MAF: variants seen among roughly 807,000 people sequenced by gnomAD.
The protein encoded by MAF is MAF bZIP transcription factor.
MAF carries 10 observed loss-of-function variants against 22.0 expected under a neutral mutation model. The ratio of observed to expected loss-of-function variants is 0.45; its 90% CI spans 0.28 to 0.77. The LOEUF is 0.77. Among genes scored for constraint, MAF ranks in the 30% least tolerant of loss-of-function variants. MAF has a pLI of 0.12. For missense variants in MAF, 544 were observed against 548.4 expected, an observed-to-expected ratio of 0.99 and a Z score of 0.08; for synonymous variants, 337 against 255.8, an observed-to-expected ratio of 1.32 and a Z score of -3.03.
the MAF span, among the ~76,000 whole-genome samples, chr16:79,252,948 T>C: frequency 6.6e-6 from 1 of 152,214 alleles, no homozygotes; most frequent in Non-Finnish European, 1.5e-5. Context: ...TCTCCATTTT[T>C]CTGTGAACGT....
the MAF span, among the ~76,000 whole-genome samples, chr16:79,397,806 C>T: frequency 6.6e-6 from 1 of 152,188 alleles, no homozygotes; most frequent in Non-Finnish European, 1.5e-5. Flanking sequence ...CTTAGGACCC[C>T]AGGAAGTTAG....
the MAF span, among the ~76,000 whole-genome samples, chr16:79,579,890 T>C: frequency 2.6e-5 from 4 of 152,066 alleles, no homozygotes; most frequent in African/African-American, 9.7e-5. Flanking sequence ...TGAGTAAAGA[T>C]AGAAAGAAAC....
the MAF span, among the ~76,000 whole-genome samples, chr16:79,244,645 A>C: frequency 6.6e-6 from 1 of 152,262 alleles, no homozygotes; most frequent in South Asian, 2.1e-4. Context: ...ATAGTGCCAA[A>C]AGTAATTTAT....
At chr16:79,215,368 C>A in the MAF span, among the ~76,000 whole-genome samples, 1 of 152,158 alleles carries the variant, frequency 6.6e-6, no homozygotes, top group African/African-American at 2.4e-5. Context: ...ATGGATGCAC[C>A]ATCTTAAAAT....
At chr16:79,362,237 T>C in the MAF span, among the ~76,000 whole-genome samples, 1 of 152,180 alleles carries the variant, frequency 6.6e-6, no homozygotes, top group Admixed American at 6.5e-5. Context: ...TGCACATAAA[T>C]ATTGTTTGTT....
chr16:79,258,307 C>T, the MAF span, among the ~76,000 whole-genome samples: 64 of 152,292 alleles, frequency 4.2e-4, no homozygotes, highest in Non-Finnish European at 8.1e-4. Flanking sequence ...GGGAGCCAGC[C>T]CAGCAGAGTG....
the MAF span, among the ~76,000 whole-genome samples, chr16:79,267,637 G>C: frequency 8.5e-5 from 13 of 152,176 alleles, no homozygotes; most frequent in Non-Finnish European, 1.8e-4. Flanking sequence ...GACATGGAGA[G>C]AGTTCTTCAG....
the MAF span, among the ~76,000 whole-genome samples, chr16:79,216,690 A>G: frequency 6.6e-6 from 1 of 151,872 alleles, no homozygotes; most frequent in East Asian, 1.9e-4. Context: ...TTTGACTTAT[A>G]TTTTCAACTT....
the MAF span, among the ~76,000 whole-genome samples, chr16:79,301,338 T>G: frequency 6.6e-6 from 1 of 151,842 alleles, no homozygotes; most frequent in African/African-American, 2.4e-5. Context: ...CAAGCTGCGT[T>G]TGTGGATTGT....
chr16:79,420,113 A>G, the MAF span, among the ~76,000 whole-genome samples: 3 of 152,162 alleles, frequency 2.0e-5, no homozygotes, highest in Admixed American at 6.5e-5. Context: ...CAGGAATCCA[A>G]TAACACGCCT....
chr16:79,596,856 A>G (rs1352959377), intron 1 of MAF: 2 of 1,050,348 alleles, frequency 1.9e-6, no homozygotes, highest in Non-Finnish European at 2.3e-6. Flanking sequence ...TAACTGCATA[A>G]ATTTTATTAG....
downstream of MAF, among the ~76,000 whole-genome samples, chr16:79,584,445 G>C (rs960591035): frequency 1.3e-5 from 2 of 152,074 alleles, no homozygotes; most frequent in African/African-American, 4.8e-5. Flanking sequence ...TCTCTTCCTT[G>C]CTCTCACCTG....
At chr16:79,499,586 T>C in the MAF span, among the ~76,000 whole-genome samples, 1 of 152,178 alleles carries the variant, frequency 6.6e-6, no homozygotes, top group African/African-American at 2.4e-5. Flanking sequence ...TGAATGGGGT[T>C]AGTGCCTTTA....
chr16:79,480,527 G>C, the MAF span, among the ~76,000 whole-genome samples: 1 of 152,076 alleles, frequency 6.6e-6, no homozygotes, highest in Non-Finnish European at 1.5e-5. Context: ...CTGTCCAAAG[G>C]CCATTCGAGC....
At chr16:79,212,167 C>A in the MAF span, 2 of 1,486,914 alleles carry the variant, frequency 1.3e-6, no homozygotes, top group Non-Finnish European at 1.8e-6. Context: ...ACCACCACGG[C>A]CACCACTGCA....
chr16:79,411,021 C>G, the MAF span, among the ~76,000 whole-genome samples: 268 of 152,302 alleles, frequency 1.8e-3, no homozygotes, highest in African/African-American at 5.4e-3. Context: ...TAGTTCCATC[C>G]ATTTTTCCTT....
the MAF span, among the ~76,000 whole-genome samples, chr16:79,542,689 C>A: frequency 6.6e-6 from 1 of 152,208 alleles, no homozygotes; most frequent in Non-Finnish European, 1.5e-5. Flanking sequence ...GGCTCGTGCA[C>A]TGATGGGCAA....
chr16:79,581,583 C>G (rs1438186115), downstream of MAF, among the ~76,000 whole-genome samples: 2 of 152,188 alleles, frequency 1.3e-5, no homozygotes, highest in African/African-American at 4.8e-5. Flanking sequence ...ATTCAATTCT[C>G]ACCTCTACTG....
the MAF span, among the ~76,000 whole-genome samples, chr16:79,522,943 G>A: frequency 2.0e-5 from 3 of 152,312 alleles, no homozygotes; most frequent in East Asian, 5.8e-4. Context: ...CCAGAGAAGA[G>A]ACATGATGTC....
Sources: gnomAD v4.1 joint callset for allele counts (sites outside exome capture counted in the v4.1 genomes callset) on GRCh38, gnomAD v4.1.1 for gene constraint, MANE v1.5 for transcripts, NCBI Gene and HGNC (gene_info 2026-07-23, HGNC 2026-07-21) for gene names.